The following FBN3 variants were observed in gnomAD, a reference collection of about 807,000 sequenced individuals.
The protein encoded by FBN3 is fibrillin-3.
A neutral mutation model predicts 330.1 loss-of-function variants in FBN3; 234 were observed. That is an observed-to-expected ratio of 0.71 (90% CI 0.64 to 0.79). The LOEUF is 0.79. Ranked by LOEUF, FBN3 falls within the 30% of genes least tolerant of loss-of-function variation. The probability of loss-of-function intolerance (pLI) is 0.00; values close to 1 mark genes in which losing one functional copy is unlikely to be tolerated. For missense variants in FBN3, 3,606 were observed against 3,886.9 expected (o/e 0.93, Z 1.92); for synonymous variants, 1,458 against 1,517.3 (o/e 0.96, Z 0.91).
chr19:8,068,048 G>A (rs1000227751), intron 63 of FBN3, among the ~76,000 whole-genome samples: 1 of 151,946 alleles, frequency 6.6e-6, no homozygotes, highest in African/African-American at 2.4e-5. Context: ...GGGTGACAGA[G>A]TGAGACCCTG....
Position 8,096,602 on chromosome 19 carries a change from C to A in FBN3, c.5414-33G>T, listed in dbSNP as rs1193446622. ...TGCAGAGAGCATGGTGTTCCCAGGG[C>A]TCCTACCACAGTGTTTGCCTGAGCT... On this transcript the variant is annotated intron_variant, in intron 43 of 63. Coordinates refer to ENST00000600128, the MANE Select transcript of FBN3 (RefSeq NM_032447.5). This position sits in a 1 kb window ranked among gnomAD's most constrained non-coding sequence, Gnocchi z 4.6. 4 of 1,582,868 alleles carry A rather than the reference C, an allele frequency of 2.5e-6. No homozygotes were observed. In the Middle Eastern group the frequency reaches 5.6e-4, roughly 222 times the overall value.
intron 13 of FBN3, 55 bp downstream of exon 13, chr19:8,135,904 TAA>T: frequency 7.0e-7 from 1 of 1,436,620 alleles, no homozygotes; most frequent in Non-Finnish European, 9.5e-7. Flanking sequence ...GAGGTGGCTG[TAA>T]AAGGCAGCTA....
intron 40 of FBN3, 110 bp downstream of exon 40, chr19:8,102,614 T>C: frequency 9.2e-7 from 1 of 1,087,564 alleles, no homozygotes; most frequent in Non-Finnish European, 1.3e-6. Context: ...ACTCTCTGGC[T>C]CTCATCAGAA....
intron 22 of FBN3, 55 bp from the exon 23 acceptor site, chr19:8,124,063 G>T (rs1757322031): frequency 6.9e-7 from 1 of 1,448,950 alleles, no homozygotes; most frequent in Non-Finnish European, 9.6e-7. Context: ...GCCCACTGCG[G>T]GACAGGCGTG....
chr19:8,084,350 C>T (rs895965385), intron 56 of FBN3, among the ~76,000 whole-genome samples: 4 of 152,086 alleles, frequency 2.6e-5, no homozygotes, highest in Non-Finnish European at 4.4e-5. Flanking sequence ...AGCTCCCACG[C>T]AGTCCGGAAC....
rs778407139 is a variant in FBN3, at chr19:8,110,959, C to T, written c.4219G>A (p.Glu1407Lys). Residue 1407 changes from glutamate (E) to lysine (K), a missense_variant, in exon 34 of 64, where the codon GAG becomes AAG. Coordinates refer to ENST00000600128, the MANE Select transcript of FBN3 (RefSeq NM_032447.5). ...GCACAGAGGTTCCCTTGCGCACACT[C>T]GTCCACATCTGCGGGGACCCTGGGT... ...EDHRACQDVD[E>K]CAQGNLCAFG... The T allele has an allele frequency of 1.9e-5, 31 of 1,614,130 alleles. No homozygotes were observed. In the Admixed American group the frequency reaches 2.0e-4, roughly 10 times the overall value.
At chr19:8,108,050 T>A in intron 37 of FBN3, 120 bp downstream of exon 37, 1 of 727,106 alleles carries the variant, frequency 1.4e-6, no homozygotes, top group Admixed American at 3.0e-5. Flanking sequence ...AGCCTCCAGG[T>A]GGAAAGATCT....
chr19:8,133,879 A>G (rs1011491913), intron 13 of FBN3, among the ~76,000 whole-genome samples: 21 of 151,972 alleles, frequency 1.4e-4, no homozygotes, highest in Non-Finnish European at 4.4e-5. Flanking sequence ...GGCAGAAATG[A>G]GTTGTTTTCC....
chr19:8,135,935 T>TTGGGGGGGGGGCGGGG, intron 13 of FBN3, 26 bp downstream of exon 13: 1 of 1,344,156 alleles, frequency 7.4e-7, no homozygotes, highest in Non-Finnish European at 1.0e-6. Flanking sequence ...CGGAAGCCCC[T>TTGGGGGGGGGGCGGGG]GCCCACCCGC....
At position 8,129,288 on chromosome 19, in the gene FBN3, C is replaced by T; in HGVS notation, c.2122G>A (p.Val708Ile). The T allele has an allele frequency of 6.2e-7, 1 of 1,614,188 alleles. No homozygotes were observed. The highest frequency in any genetic ancestry group is 8.5e-7 in the Non-Finnish European group (1 of 1,180,042). ...CENLRGSYRC[V>I]CNLGYEAGAS... ...CCTGCCTCATAACCCAGGTTGCAGA[C>T]ACAGCGGTAGCTGCCCCGAAGGTTC... Residue 708 changes from valine to isoleucine, a missense_variant, in exon 17 of 64, where the codon GTC becomes ATC. By Grantham distance (29) the Val-to-Ile change is conservative. Transcript: ENST00000600128. The surrounding 1 kb of genome is among the most constrained non-coding windows in gnomAD (Gnocchi z 4.5).
chr19:8,135,936 G>GGGGGGGGGGGGGGGGGGGGCCC, intron 13 of FBN3, 25 bp downstream of exon 13: 3 of 668,770 alleles, frequency 4.5e-6, no homozygotes, highest in Non-Finnish European at 7.2e-6. Context: ...GGAAGCCCCT[G>GGGGGGGGGGGGGGGGGGGGCCC]CCCACCCGCC....
intron 34 of FBN3, 131 bp downstream of exon 34, chr19:8,110,712 GCC>G: frequency 8.2e-7 from 1 of 1,220,826 alleles, no homozygotes; most frequent in Non-Finnish European, 1.2e-6. Flanking sequence ...CAGGCAAGGC[GCC>G]CCCCACCCCC....
intron 19 of FBN3, 24 bp downstream of exon 19, chr19:8,126,689 C>T: frequency 1.0e-5 from 16 of 1,581,084 alleles, no homozygotes; most frequent in Non-Finnish European, 1.4e-5. Context: ...CTCTGGAACG[C>T]CGTCGGGCTC....
chr19:8,132,990 A>G lies in FBN3; in HGVS notation c.1708T>C (p.Cys570Arg), dbSNP rs1314140133. ...GFLLAPGGHYCMDIDECQTPG... is the reference protein window; with the variant it reads ...GFLLAPGGHYRMDIDECQTPG... ...AGTCTGGCTCCAGGCTCACCCATGC[A>G]GTAGTGGCCGCCAGGCGCCAGCAGG... The change falls in exon 14 of 64, where the codon TGC becomes CGC. Residue 570 changes from cysteine to arginine, a missense_variant. Cys to Arg is a radical substitution (Grantham distance 180). Transcript: ENST00000600128. 48 of 1,559,162 alleles carry G rather than the reference A, an allele frequency of 3.1e-5. No individual in the cohort carries two copies. Among genetic ancestry groups the G allele is most frequent in the Non-Finnish European group, 4.1e-5 (47 of 1,155,738 alleles).
chr19:8,118,984 C>T lies in FBN3; in HGVS notation c.3250G>A (p.Gly1084Arg). 3 of 1,610,430 alleles carry T rather than the reference C, an allele frequency of 1.9e-6. No homozygotes were observed. The highest frequency in any genetic ancestry group is 1.7e-4 in the Middle Eastern group (1 of 6,054). ...CCATCCGTGTTGGTGCAAGTGCCTC[C>T]CCGGCAGAGCAGCGGGTCCCTTGCA... ...ECARDPLLCR[G>R]GTCTNTDGSY... Residue 1084 changes from glycine (G) to arginine (R), a missense_variant, in exon 26 of 64, where the codon GGA becomes AGA. Transcript: ENST00000600128.
chr19:8,144,218 T>C (rs2083482027), intron 6 of FBN3, among the ~76,000 whole-genome samples: 1 of 151,986 alleles, frequency 6.6e-6, no homozygotes, highest in African/African-American at 2.4e-5. Flanking sequence ...CTGGCCAACA[T>C]GGCAAAACCT....
chr19:8,099,925 G>A (rs1217806810), intron 41 of FBN3, among the ~76,000 whole-genome samples: 1 of 151,258 alleles, frequency 6.6e-6, no homozygotes, highest in African/African-American at 2.4e-5. Flanking sequence ...CAGGAGAATC[G>A]CTTGAACCCA....
Position 8,147,174 on chromosome 19 carries a change from G to A in FBN3, c.180C>T (p.Cys60=), listed in dbSNP as rs1454077353. 12 of 1,568,412 alleles carry A rather than the reference G, an allele frequency of 7.7e-6. No individual in the cohort carries two copies. Among genetic ancestry groups the A allele is most frequent in the East Asian group, 4.7e-5 (2 of 42,440 alleles). The change falls in exon 3 of 64, where the codon TGC becomes TGT. Residue 60 remains cysteine, a synonymous_variant. Transcript: ENST00000600128. Reference sequence around the variant, plus strand: ...AGCAGTAGGCATGGAACCGGGAGCCGCACACATTCGGCCTTCGGGGACAGC... The same window carrying A: ...AGCAGTAGGCATGGAACCGGGAGCCACACACATTCGGCCTTCGGGGACAGC... The part of the protein sequence containing the change: ...SPGILQGPNV[C]GSRFHAYCCP...
chr19:8,131,136 G>T lies in FBN3; in HGVS notation c.2044+99C>A. ...CGTCTGGTCTGGGGCACTTTGTTACGGGAACCCCGGGCCAACTCCTACAGC... is the reference window on the plus strand; with the variant it reads ...CGTCTGGTCTGGGGCACTTTGTTACTGGAACCCCGGGCCAACTCCTACAGC... On this transcript the variant is annotated intron_variant, in intron 16 of 63. Coordinates refer to ENST00000600128, the MANE Select transcript of FBN3 (RefSeq NM_032447.5). The surrounding 1 kb of genome is among the most constrained non-coding windows in gnomAD (Gnocchi z 4.5). 1 of 1,163,632 alleles carries T rather than the reference G, an allele frequency of 8.6e-7. No individual in the cohort carries two copies. Among genetic ancestry groups the T allele is most frequent in the Non-Finnish European group, 1.2e-6 (1 of 815,806 alleles). 72.1% of individuals were successfully genotyped at this position (1,163,632 alleles called of 1,614,324 possible). A position where few individuals can be genotyped will look rare whatever the true frequency, so the allele number is the denominator to read the frequency against.
Sources: allele counts gnomAD v4.1 joint callset (sites outside exome capture counted in the v4.1 genomes callset), GRCh38; gene constraint gnomAD v4.1.1; non-coding constraint Gnocchi (gnomAD v3.1); transcripts MANE v1.5; gene names NCBI Gene and HGNC (gene_info 2026-07-23, HGNC 2026-07-21).